UGT1A8: variants seen among roughly 807,000 people sequenced by gnomAD.
The protein encoded by UGT1A8 is UDP glucuronosyltransferase family 1 member A8.
A neutral mutation model predicts 45.3 loss-of-function variants in UGT1A8; 39 were observed. That is an observed-to-expected ratio of 0.86 (90% CI 0.67 to 1.12). UGT1A8 has a LOEUF of 1.12. Among genes scored for constraint, UGT1A8 ranks in the 50% most tolerant of loss-of-function variants. UGT1A8 has a pLI of 0.00. For missense variants in UGT1A8, 719 were observed against 664.9 expected (o/e 1.08, Z -0.90); for synonymous variants, 275 against 249.2 (o/e 1.10, Z -0.97).
At chr2:233,696,823 G>A (rs1055061621) in intron 1 of UGT1A8, among the ~76,000 whole-genome samples, 3 of 152,150 alleles carry the variant, frequency 2.0e-5, no homozygotes, top group Non-Finnish European at 4.4e-5. Context: ...TATTGAGAGT[G>A]TGTATCATAA....
In UGT1A8 at chr2:233,769,571, G is replaced by A. The variant is rs1223462167; in HGVS notation, c.1295+1132G>A. On this transcript the variant is annotated intron_variant, in intron 4 of 4. Coordinates refer to ENST00000373450, the MANE Select transcript of UGT1A8 (RefSeq NM_019076.5). This position sits in a 1 kb window ranked among gnomAD's most constrained non-coding sequence, Gnocchi z 4.4. ...AGGAAGACAGATGTGAAGAGCTGGAGCATGTTCAGATGAGAGGAGACGGAA... is the reference window on the plus strand; with the variant it reads ...AGGAAGACAGATGTGAAGAGCTGGAACATGTTCAGATGAGAGGAGACGGAA... 1 of 1,612,768 alleles carries A rather than the reference G, an allele frequency of 6.2e-7. No homozygotes were observed. The highest frequency in any genetic ancestry group is 1.3e-5 in the African/African-American group (1 of 74,922).
At chr2:233,733,983 C>A (rs1268250784) in intron 1 of UGT1A8, among the ~76,000 whole-genome samples, 1 of 151,994 alleles carries the variant, frequency 6.6e-6, no homozygotes, top group African/African-American at 2.4e-5. Context: ...GGAGGGATAG[C>A]ATTAGGAGAT....
rs146704558 is a variant in UGT1A8 at position 233,766,504 on chromosome 2, T to C, written c.856-530T>C. On this transcript the variant is annotated intron_variant, in intron 1 of 4. Transcript: ENST00000373450. ...ATGGGGGCGTGGCAGGCCAGGGTGGTTTTGGGAAATGAAACATTTAGGCAG... is the reference window on the plus strand; with the variant it reads ...ATGGGGGCGTGGCAGGCCAGGGTGGCTTTGGGAAATGAAACATTTAGGCAG... Among the ~76,000 whole-genome samples the C allele has an allele frequency of 2.3e-3, 343 of 152,096 alleles. 3 individuals are homozygous for C. The highest frequency in any genetic ancestry group is 7.9e-3 in the African/African-American group (327 of 41,494).
chr2:233,628,679 G>C (rs748105317), intron 1 of UGT1A8, among the ~76,000 whole-genome samples: 1 of 152,046 alleles, frequency 6.6e-6, no homozygotes, highest in Non-Finnish European at 1.5e-5. Flanking sequence ...CCCTGTCCTC[G>C]GCATGTGTTT....
chr2:233,729,628 C>T (rs1214575776), intron 1 of UGT1A8: 3 of 1,613,774 alleles, frequency 1.9e-6, no homozygotes, highest in East Asian at 4.5e-5. Context: ...CCTGTCGATT[C>T]CTACTGTGTT....
At chr2:233,689,269 T>C (rs6707947) in intron 1 of UGT1A8, among the ~76,000 whole-genome samples, 93,584 of 152,068 alleles carry the variant, frequency 0.62, 29,068 homozygotes, top group South Asian at 0.65. Flanking sequence ...ATTGTTATCA[T>C]ACTAAACTAA....
chr2:233,721,978 G>A (rs543425926), intron 1 of UGT1A8: 60 of 269,454 alleles, frequency 2.2e-4, no homozygotes, highest in South Asian at 1.8e-3. Context: ...GATGGCCTGG[G>A]TAGTTTCACG....
intron 1 of UGT1A8, chr2:233,747,379 A>G: frequency 1.2e-6 from 2 of 1,605,180 alleles, no homozygotes; most frequent in South Asian, 1.1e-5. Flanking sequence ...GCCAGAGGCC[A>G]CCAGGCGGTG....
intron 1 of UGT1A8, among the ~76,000 whole-genome samples, chr2:233,681,071 A>G (rs1238474354): frequency 6.6e-6 from 1 of 151,484 alleles, no homozygotes; most frequent in Non-Finnish European, 1.5e-5. Flanking sequence ...CTGTGTCACA[A>G]TTGTGGCTCA....
At chr2:233,740,769 G>A (rs1277809292) in intron 1 of UGT1A8, 1 of 151,756 alleles carries the variant, frequency 6.6e-6, no homozygotes, top group African/African-American at 2.4e-5. Flanking sequence ...TCAAACCGTT[G>A]TATAAAAGAT....
intron 1 of UGT1A8, chr2:233,713,759 G>T: frequency 6.2e-7 from 1 of 1,613,990 alleles, no homozygotes; most frequent in South Asian, 1.1e-5. Flanking sequence ...CTGTGTGGCT[G>T]TTCCGAGGGG....
At chr2:233,629,938 A>C (rs2125453836) in intron 1 of UGT1A8, among the ~76,000 whole-genome samples, 1 of 152,154 alleles carries the variant, frequency 6.6e-6, no homozygotes, top group Middle Eastern at 3.4e-3. Flanking sequence ...TTATTCTCTT[A>C]ACATTTTAAC....
At chr2:233,653,728 C>G (rs563863887) in intron 1 of UGT1A8, among the ~76,000 whole-genome samples, 8 of 152,318 alleles carry the variant, frequency 5.3e-5, no homozygotes, top group Admixed American at 5.2e-4. Context: ...TCCTGGGTAG[C>G]TGGAATTACA....
chr2:233,663,099 C>T (rs2074007756), intron 1 of UGT1A8, among the ~76,000 whole-genome samples: 3 of 152,126 alleles, frequency 2.0e-5, no homozygotes, highest in African/African-American at 2.4e-5. Context: ...TTCATCTTCC[C>T]AAACTGAAGC....
chr2:233,661,002 T>C (rs1436263710), intron 1 of UGT1A8, among the ~76,000 whole-genome samples: 2 of 152,190 alleles, frequency 1.3e-5, no homozygotes, highest in African/African-American at 4.8e-5. Flanking sequence ...ATAATGACTT[T>C]GTTTTTCTCA....
At chr2:233,757,553 T>TATATATATATATATACATATAC (rs1164104376) in intron 1 of UGT1A8, among the ~76,000 whole-genome samples, 4 of 136,130 alleles carry the variant, frequency 2.9e-5, no homozygotes, top group Admixed American at 7.1e-5. Context: ...TATATATATA[T>TATATATATATATATACATATAC]ATATATATGT....
chr2:233,619,913 A>C (rs1257203767), intron 1 of UGT1A8, among the ~76,000 whole-genome samples: 2 of 152,218 alleles, frequency 1.3e-5, no homozygotes, highest in Non-Finnish European at 2.9e-5. Context: ...TAGAGTAGCC[A>C]GTTTAAATAG....
At position 233,641,554 on chromosome 2, in the gene UGT1A8, A is replaced by C. The variant is rs1482820653; in HGVS notation, c.855+22992A>C. ...AACAGTAGTTTGCACACACAGTTAC[A>C]ATGTTATAATATTCTGTGTATTTCT... On this transcript the variant is annotated intron_variant, in intron 1 of 4. Transcript: ENST00000373450. 2.0e-5 allele frequency among the ~76,000 whole-genome samples: 3 copies of C among 152,206 alleles called. No homozygotes were observed. The East Asian group carries it at 5.8e-4, about 29-fold the overall frequency.
chr2:233,672,780 G>A (rs767375950), intron 1 of UGT1A8: 28 of 1,613,032 alleles, frequency 1.7e-5, no homozygotes, highest in Admixed American at 3.3e-5. Flanking sequence ...AGGGAAAGCC[G>A]TTGCCTATGG....
Sources: allele counts gnomAD v4.1 joint callset (sites outside exome capture counted in the v4.1 genomes callset), GRCh38; gene constraint gnomAD v4.1.1; non-coding constraint Gnocchi (gnomAD v3.1); transcripts MANE v1.5; gene names NCBI Gene and HGNC (gene_info 2026-07-23, HGNC 2026-07-21).